The following UBE2D2 variants were observed in gnomAD, a reference collection of about 807,000 sequenced individuals.
UBE2D2 encodes the protein ubiquitin conjugating enzyme E2 D2, also known as ubiquitin-conjugating enzyme E2 D2.
In UBE2D2, 2 loss-of-function variants were observed where a neutral mutation model predicts 24.2. The ratio of observed to expected loss-of-function variants is 0.08; its 90% CI spans 0.03 to 0.26. UBE2D2 has a LOEUF of 0.26. UBE2D2 is among the 10% of genes least tolerant of loss of function. The pLI is 1.00. For missense variants in UBE2D2, 44 were observed against 177.6 expected, an observed-to-expected ratio of 0.25 and a Z score of 4.28; for synonymous variants, 58 against 56.5, an observed-to-expected ratio of 1.03 and a Z score of -0.12.
intron 1 of UBE2D2, among the ~76,000 whole-genome samples, chr5:139,540,093 AT>A (rs1163642432): frequency 5.4e-5 from 8 of 149,332 alleles, no homozygotes; most frequent in African/African-American, 2.0e-4. Context: ...CTAATTTTGT[AT>A]TTTTAGTAGA....
At chr5:139,586,310 A>G (rs960503556) in intron 1 of UBE2D2, among the ~76,000 whole-genome samples, 5 of 152,118 alleles carry the variant, frequency 3.3e-5, no homozygotes, top group Admixed American at 2.0e-4. Context: ...AACTTATAAG[A>G]TGGAACTCAC....
chr5:139,576,967 A>ATTT (rs57930268), intron 1 of UBE2D2, among the ~76,000 whole-genome samples: 1 of 96,752 alleles, frequency 1.0e-5, no homozygotes, highest in Non-Finnish European at 2.1e-5. Context: ...TTTAACTTGA[A>ATTT]TTTTTTTTTT....
At chr5:139,623,100 G>C (rs892372373) in intron 5 of UBE2D2, among the ~76,000 whole-genome samples, 1 of 151,844 alleles carries the variant, frequency 6.6e-6, no homozygotes, top group Non-Finnish European at 1.5e-5. Flanking sequence ...GACTTTGGGA[G>C]GCCGAGGTGG....
At chr5:139,625,440 C>CCTT (rs1390321656) in intron 6 of UBE2D2, among the ~76,000 whole-genome samples, 3 of 5,266 alleles carry the variant, frequency 5.7e-4, no homozygotes, top group African/African-American at 1.9e-3. Flanking sequence ...ACCCCCCCCC[C>CCTT]TTTTTTTTTT....
chr5:139,592,020 G>A (rs1753855386), intron 1 of UBE2D2, among the ~76,000 whole-genome samples: 1 of 152,026 alleles, frequency 6.6e-6, no homozygotes, highest in Admixed American at 6.6e-5. Context: ...TGGACAACGT[G>A]GTGAAACGCC....
rs946407038 is a variant in UBE2D2, at chr5:139,627,287, G to T, written c.*486G>T. 3 of 154,670 alleles carry T rather than the reference G, an allele frequency of 1.9e-5. No homozygotes were observed. In the Admixed American group the frequency reaches 1.9e-4, roughly 10 times the overall value. 9.6% of individuals were successfully genotyped at this position (154,670 alleles called of 1,614,324 possible). A position where few individuals can be genotyped will look rare whatever the true frequency, so the allele number is the denominator to read the frequency against. On this transcript the variant is annotated 3_prime_UTR_variant, in exon 7 of 7. Coordinates refer to ENST00000398733, the MANE Select transcript of UBE2D2 (RefSeq NM_003339.3). The stretch of plus-strand genomic sequence containing the variant: ...ATTCCGAAGGAGCTACGTCTTAGGT[G>T]AAAGTTATGACCAACCAGATTAAAC...
chr5:139,543,388 C>T (rs1397089863), intron 1 of UBE2D2, among the ~76,000 whole-genome samples: 6 of 152,214 alleles, frequency 3.9e-5, no homozygotes. Context: ...CCTTTCCCCG[C>T]TCCACTTTAT....
chr5:139,539,794 G>A (rs1353993337), intron 1 of UBE2D2, among the ~76,000 whole-genome samples: 7 of 150,406 alleles, frequency 4.7e-5, no homozygotes, highest in East Asian at 2.0e-4. Flanking sequence ...GTTGGGTTTC[G>A]CCATGTTGGC....
At chr5:139,600,223 C>A in intron 1 of UBE2D2, 149 bp from the exon 2 acceptor site, 2 of 860,794 alleles carry the variant, frequency 2.3e-6, no homozygotes, top group Admixed American at 1.9e-5. Context: ...CTTAAAGATT[C>A]ACCAATCTAC....
At chr5:139,567,155 A>G (rs1024990025) in intron 1 of UBE2D2, among the ~76,000 whole-genome samples, 1 of 152,146 alleles carries the variant, frequency 6.6e-6, no homozygotes, top group Non-Finnish European at 1.5e-5. Context: ...GCTGGAGTGC[A>G]GTGGCATGAT....
At chr5:139,567,669 G>A (rs1753260239) in intron 1 of UBE2D2, among the ~76,000 whole-genome samples, 1 of 151,478 alleles carries the variant, frequency 6.6e-6, no homozygotes, top group South Asian at 2.1e-4. Context: ...GAGTAGCTGG[G>A]ACTACAGGCA....
intron 1 of UBE2D2, among the ~76,000 whole-genome samples, chr5:139,532,731 C>T (rs1752612222): frequency 6.6e-6 from 1 of 152,092 alleles, no homozygotes; most frequent in Non-Finnish European, 1.5e-5. Flanking sequence ...AACGGATCAG[C>T]CTGCCTCGGC....
intron 2 of UBE2D2, among the ~76,000 whole-genome samples, chr5:139,611,408 G>A (rs1754318053): frequency 6.6e-6 from 1 of 151,788 alleles, no homozygotes; most frequent in Admixed American, 6.6e-5. Context: ...GGCTGATCTC[G>A]AACTCCTGAC....
chr5:139,599,059 G>A (rs896450225), intron 1 of UBE2D2, among the ~76,000 whole-genome samples: 1 of 150,372 alleles, frequency 6.7e-6, no homozygotes, highest in African/African-American at 2.4e-5. Flanking sequence ...CTCCCGAGTA[G>A]CTGGGACTAT....
At chr5:139,547,054 G>A (rs1459591652) in intron 1 of UBE2D2, among the ~76,000 whole-genome samples, 5 of 151,762 alleles carry the variant, frequency 3.3e-5, no homozygotes, top group Non-Finnish European at 7.4e-5. Flanking sequence ...ATTTTGGGAG[G>A]CTGATACGGG....
intron 1 of UBE2D2, among the ~76,000 whole-genome samples, chr5:139,539,781 C>G (rs1025553868): frequency 6.6e-6 from 1 of 151,256 alleles, no homozygotes; most frequent in Non-Finnish European, 1.5e-5. Context: ...TAGTAGATAT[C>G]GTGTTGGGTT....
chr5:139,595,563 A>G (rs1431279011), intron 1 of UBE2D2, among the ~76,000 whole-genome samples: 2 of 152,064 alleles, frequency 1.3e-5, no homozygotes, highest in African/African-American at 2.4e-5. Flanking sequence ...CTTTTAGTAA[A>G]GATGGGGTTT....
chr5:139,529,757 C>A (rs981603343), intron 1 of UBE2D2, among the ~76,000 whole-genome samples: 1 of 152,156 alleles, frequency 6.6e-6, no homozygotes, highest in Non-Finnish European at 1.5e-5. Context: ...AGACCTTCTA[C>A]CAGTATTTTC....
At chr5:139,558,650 C>G (rs1191453483), upstream of UBE2D2, among the ~76,000 whole-genome samples, 1 of 151,538 alleles carries the variant, frequency 6.6e-6, no homozygotes, top group Non-Finnish European at 1.5e-5. Context: ...CCACATTTTT[C>G]AAAGAAAAAT....
Sources: gnomAD v4.1 joint callset for allele counts (sites outside exome capture counted in the v4.1 genomes callset) on GRCh38, gnomAD v4.1.1 for gene constraint, MANE v1.5 for transcripts, NCBI Gene and HGNC (gene_info 2026-07-23, HGNC 2026-07-21) for gene names.